PCDH9: variants seen among roughly 807,000 people sequenced by gnomAD.
PCDH9 encodes protocadherin-9.
PCDH9 carries 24 observed loss-of-function variants against 70.6 expected under a neutral mutation model. That is an observed-to-expected ratio of 0.34 (90% confidence interval 0.25 to 0.48). The LOEUF (loss-of-function observed/expected upper bound fraction) is 0.48, where lower values mean the gene tolerates loss of function less well. Among genes scored for constraint, PCDH9 ranks in the 20% least tolerant of loss-of-function variants. PCDH9 has a pLI of 0.99. For synonymous variants in PCDH9, 562 were observed against 558.5 expected (o/e 1.01, Z -0.09); for missense variants, 1,281 against 1,503.6 (o/e 0.85, Z 2.45).
intron 3 of PCDH9, among the ~76,000 whole-genome samples, chr13:66,663,215 A>G (rs2078041836): frequency 6.6e-6 from 1 of 152,168 alleles, no homozygotes; most frequent in Non-Finnish European, 1.5e-5. Context: ...CATTTATTCT[A>G]TTTATGAGAT....
At chr13:66,757,277 C>T (rs1566173744) in intron 3 of PCDH9, among the ~76,000 whole-genome samples, 1 of 152,186 alleles carries the variant, frequency 6.6e-6, no homozygotes, top group Non-Finnish European at 1.5e-5. Context: ...TCATGAATGA[C>T]AGCCATTCAT....
In PCDH9 at chr13:67,100,072, T is replaced by G. The variant is rs190292927; in HGVS notation, c.3036+125333A>C. ...AGACATGTCACTAAGTCTATGGGTTTTTGTCCTTGCTTCTGAAGTGGTTGA... is the reference window on the plus strand; with the variant it reads ...AGACATGTCACTAAGTCTATGGGTTGTTGTCCTTGCTTCTGAAGTGGTTGA... On this transcript the variant is annotated intron_variant, in intron 2 of 4. Transcript: ENST00000377865. Among the ~76,000 whole-genome samples, 3 of 152,298 alleles carry G rather than the reference T, an allele frequency of 2.0e-5. No individual in the cohort carries two copies. The East Asian group carries it at 5.8e-4, about 29-fold the overall frequency.
intron 2 of PCDH9, among the ~76,000 whole-genome samples, chr13:67,164,376 A>C (rs1594598783): frequency 6.6e-6 from 1 of 152,018 alleles, no homozygotes; most frequent in African/African-American, 2.4e-5. Flanking sequence ...GGAGTTCAAG[A>C]CCAGCCTGGC....
intron 3 of PCDH9, among the ~76,000 whole-genome samples, chr13:66,824,007 T>C: frequency 6.6e-6 from 1 of 151,968 alleles, no homozygotes; most frequent in Non-Finnish European, 1.5e-5. Context: ...CAAAATTGAA[T>C]GAAATCTAAA....
intron 3 of PCDH9, among the ~76,000 whole-genome samples, chr13:66,833,903 G>T (rs1409850693): frequency 6.6e-6 from 1 of 152,230 alleles, no homozygotes; most frequent in East Asian, 1.9e-4. Flanking sequence ...GAAATGACTT[G>T]TCTATGACCT....
At chr13:66,929,065 T>C (rs2082762334) in intron 2 of PCDH9, among the ~76,000 whole-genome samples, 1 of 152,152 alleles carries the variant, frequency 6.6e-6, no homozygotes, top group Non-Finnish European at 1.5e-5. Flanking sequence ...TTAAATGTAC[T>C]TACCTTTAAG....
intron 3 of PCDH9, among the ~76,000 whole-genome samples, chr13:66,682,205 C>A (rs1176477071): frequency 6.6e-6 from 1 of 151,846 alleles, no homozygotes; most frequent in East Asian, 1.9e-4. Flanking sequence ...AATTTTAAGA[C>A]CTCATATGTA....
At chr13:66,423,759 A>C (rs1957615584) in intron 4 of PCDH9, among the ~76,000 whole-genome samples, 1 of 152,192 alleles carries the variant, frequency 6.6e-6, no homozygotes, top group African/African-American at 2.4e-5. Context: ...TCCCTTTGAA[A>C]ACCAGCACAA....
At chr13:66,828,808 T>TAAAAAAAAAAAAAAAA (rs1481233258) in intron 3 of PCDH9, among the ~76,000 whole-genome samples, 12 of 120,384 alleles carry the variant, frequency 1.0e-4, no homozygotes, top group African/African-American at 3.4e-4. Flanking sequence ...AAGCCATACA[T>TAAAAAAAAAAAAAAAA]AAAATAATAA....
At position 67,225,662 on chromosome 13, in the gene PCDH9, T is replaced by C; in HGVS notation, c.2779A>G (p.Thr927Ala). 1 of 1,614,104 alleles carries C rather than the reference T, an allele frequency of 6.2e-7. No individual in the cohort carries two copies. Among genetic ancestry groups the C allele is most frequent in the Non-Finnish European group, 8.5e-7 (1 of 1,179,994 alleles). The change falls in exon 2 of 5, where the codon ACA becomes GCA. Residue 927 changes from threonine (T) to alanine (A), a missense_variant. Thr to Ala is a moderately conservative substitution (Grantham distance 58). Coordinates refer to ENST00000377865, the MANE Select transcript of PCDH9 (RefSeq NM_203487.3). ...RFDWGPAPPT[T>A]FKPNSPDLAK... ...AGGTCAGGACTGTTAGGCTTGAATGTTGTTGGAGGTGCCGGGCCCCAGTCA... is the reference window on the plus strand; with the variant it reads ...AGGTCAGGACTGTTAGGCTTGAATGCTGTTGGAGGTGCCGGGCCCCAGTCA...
chr13:66,681,258 C>G (rs982761267), intron 3 of PCDH9, among the ~76,000 whole-genome samples: 1 of 152,084 alleles, frequency 6.6e-6, no homozygotes, highest in Non-Finnish European at 1.5e-5. Context: ...GCCAAACACA[C>G]CAGCTTCCAG....
chr13:66,836,766 C>T (rs2081028526), intron 3 of PCDH9, among the ~76,000 whole-genome samples: 2 of 152,054 alleles, frequency 1.3e-5, no homozygotes, highest in Admixed American at 6.6e-5. Flanking sequence ...TCTGACTTTC[C>T]GTATGTTACA....
chr13:66,654,427 C>T (rs1230717575), intron 3 of PCDH9, among the ~76,000 whole-genome samples: 9 of 151,538 alleles, frequency 5.9e-5, no homozygotes, highest in Non-Finnish European at 1.3e-4. Context: ...AAACTACAGT[C>T]AACAATAATT....
chr13:66,312,441 G>C (rs1390913098), intron 4 of PCDH9, among the ~76,000 whole-genome samples: 1 of 151,894 alleles, frequency 6.6e-6, no homozygotes, highest in African/African-American at 2.4e-5. Context: ...TGAAACACCG[G>C]CTCTACAAAA....
intron 2 of PCDH9, among the ~76,000 whole-genome samples, chr13:67,009,784 G>A (rs1313769925): frequency 6.6e-6 from 1 of 151,716 alleles, no homozygotes; most frequent in Non-Finnish European, 1.5e-5. Flanking sequence ...TTCGCATTTA[G>A]TTAAGTTTTT....
intron 2 of PCDH9, among the ~76,000 whole-genome samples, chr13:66,980,726 C>CTTTTTTTTTTTTTTTTT (rs1327800250): frequency 5.1e-4 from 17 of 33,372 alleles, no homozygotes; most frequent in East Asian, 2.5e-3. Flanking sequence ...CTGTTTTTTT[C>CTTTTTTTTTTTTTTTTT]TTTGTTTTTT....
intron 4 of PCDH9, among the ~76,000 whole-genome samples, chr13:66,404,350 C>A (rs781112271): frequency 4.6e-5 from 7 of 152,080 alleles, no homozygotes; most frequent in African/African-American, 9.7e-5. Flanking sequence ...CAGAGGCCAA[C>A]ATTTCCAAGA....
intron 4 of PCDH9, among the ~76,000 whole-genome samples, chr13:66,620,565 A>C (rs1206019733): frequency 6.6e-6 from 1 of 152,136 alleles, no homozygotes; most frequent in Non-Finnish European, 1.5e-5. Flanking sequence ...TATCTATAGA[A>C]TCTTTATTGA....
chr13:67,057,535 A>T (rs1386314123), intron 2 of PCDH9, among the ~76,000 whole-genome samples: 7 of 152,118 alleles, frequency 4.6e-5, no homozygotes, highest in Admixed American at 3.9e-4. Context: ...CAATAGCTAT[A>T]GTATTATCTA....
Sources: allele counts gnomAD v4.1 joint callset (sites outside exome capture counted in the v4.1 genomes callset), GRCh38; gene constraint gnomAD v4.1.1; transcripts MANE v1.5; gene names NCBI Gene and HGNC (gene_info 2026-07-23, HGNC 2026-07-21).